The following SCAPER variants were observed in gnomAD, a reference collection of about 807,000 sequenced individuals.
SCAPER encodes the protein S phase cyclin A-associated protein in the endoplasmic reticulum.
A neutral mutation model predicts 182.2 loss-of-function variants in SCAPER; 98 were observed. The observed-to-expected ratio is 0.54, with a 90% CI of 0.46 to 0.64. The LOEUF is 0.64. Among genes scored for constraint, SCAPER ranks in the 30% least tolerant of loss-of-function variants. SCAPER has a pLI of 0.00. For synonymous variants in SCAPER, 605 were observed against 564.6 expected, an observed-to-expected ratio of 1.07 and a Z score of -1.01; for missense variants, 1,432 against 1,690.0, an observed-to-expected ratio of 0.85 and a Z score of 2.68.
rs866943418 is a variant in SCAPER, at chr15:76,665,845, T to C, written c.2509-56A>G. Reference sequence around the variant, plus strand: ...TGAGGATGATCATTTAAATATAATATAGGATTGCTATAGACTACAGTGAGT... The same window carrying C: ...TGAGGATGATCATTTAAATATAATACAGGATTGCTATAGACTACAGTGAGT... On this transcript the variant is annotated intron_variant, in intron 20 of 31. Coordinates refer to ENST00000563290, the MANE Select transcript of SCAPER (RefSeq NM_020843.4). The C allele has an allele frequency of 3.7e-5, 51 of 1,374,626 alleles. No individual in the cohort carries two copies. The South Asian group carries it at 4.2e-4, about 11-fold the overall frequency. 85.2% of individuals were successfully genotyped at this position (1,374,626 alleles called of 1,614,324 possible). A position where few individuals can be genotyped will look rare whatever the true frequency, so the allele number is the denominator to read the frequency against.
chr15:76,795,352 T>TAG lies in SCAPER; in HGVS notation c.698_699dup (p.Thr234LeufsTer7). 6.2e-7 allele frequency: 1 copy of TAG among 1,613,442 alleles called. No homozygotes were observed. The highest frequency in any genetic ancestry group is 8.5e-7 in the Non-Finnish European group (1 of 1,179,524). ...GCGGGTGTTATTTCTGAAGAAGCAG[T>TAG]AGAGCCTGTATGATGAGCCTTTACC... On this transcript the variant is annotated frameshift_variant, in exon 8 of 32. Transcript: ENST00000563290. LOFTEE classifies it high-confidence loss of function.
chr15:76,528,753 T>C (rs73446207), intron 23 of SCAPER, among the ~76,000 whole-genome samples: 2,739 of 152,284 alleles, frequency 0.018, 92 homozygotes, highest in African/African-American at 0.061. Flanking sequence ...ATGCAAACTT[T>C]ATCACTTCAT....
chr15:76,381,266 T>G, intron 28 of SCAPER, 112 bp downstream of exon 28: 1 of 706,160 alleles, frequency 1.4e-6, no homozygotes, highest in Non-Finnish European at 2.3e-6. Context: ...ATAATTCCAT[T>G]TATTGTAGTT....
chr15:76,741,361 T>C (rs543903566), intron 15 of SCAPER, among the ~76,000 whole-genome samples: 41 of 152,208 alleles, frequency 2.7e-4, no homozygotes, highest in Middle Eastern at 6.8e-3. Flanking sequence ...ATGGCCACTA[T>C]TTTAAATACA....
intron 21 of SCAPER, among the ~76,000 whole-genome samples, chr15:76,663,267 T>TC (rs2056333899): frequency 6.6e-6 from 1 of 152,154 alleles, no homozygotes; most frequent in Non-Finnish European, 1.5e-5. Context: ...ACTAAAATTT[T>TC]AAAAACTAGT....
intron 5 of SCAPER, among the ~76,000 whole-genome samples, chr15:76,817,604 G>A (rs1046172850): frequency 7.2e-5 from 11 of 152,102 alleles, no homozygotes; most frequent in African/African-American, 2.7e-4. Context: ...AACTATGTGA[G>A]GTGATAGGTT....
rs370341164 is a variant in SCAPER, at chr15:76,409,946, C to A, written c.3312-5267G>T. The stretch of plus-strand genomic sequence containing the variant: ...GAGACTACAGGTGCATGCCATCAGG[C>A]CTGGCTAATTTTTTTTTTTTTTTTT... On this transcript the variant is annotated intron_variant, in intron 26 of 31. Coordinates refer to ENST00000563290, the MANE Select transcript of SCAPER (RefSeq NM_020843.4). Among the ~76,000 whole-genome samples the A allele has an allele frequency of 1.5e-4, 23 of 151,368 alleles. 1 individual carries two copies. In the South Asian group the frequency reaches 4.6e-3, roughly 30 times the overall value.
rs1277819693 is a variant in SCAPER, at chr15:76,652,291, T to A, written c.2645+13362A>T. Among the ~76,000 whole-genome samples the A allele has an allele frequency of 1.0e-3, 27 of 26,258 alleles. 1 individual carries two copies. The highest frequency in any genetic ancestry group is 2.0e-3 in the South Asian group (1 of 490). The allele number at this position is 26,258 out of a possible 152,430, so 17.2% of individuals were successfully genotyped here. On this transcript the variant is annotated intron_variant, in intron 21 of 31. Coordinates refer to ENST00000563290, the MANE Select transcript of SCAPER (RefSeq NM_020843.4). Reference sequence around the variant, plus strand: ...AAAAAAAAATATATATATATATATATATATATATATATATATATACACACA... The same window carrying A: ...AAAAAAAAATATATATATATATATAAATATATATATATATATATACACACA...
intron 17 of SCAPER, among the ~76,000 whole-genome samples, chr15:76,717,972 A>G (rs762443073): frequency 3.3e-5 from 5 of 152,098 alleles, no homozygotes; most frequent in Non-Finnish European, 5.9e-5. Context: ...AAAGCAATAC[A>G]TTTTTTTCTA....
intron 21 of SCAPER, among the ~76,000 whole-genome samples, chr15:76,654,595 C>A (rs1448674957): frequency 6.6e-6 from 1 of 152,120 alleles, no homozygotes; most frequent in Non-Finnish European, 1.5e-5. Flanking sequence ...GGCTACCATT[C>A]GACCCAGCAA....
intron 29 of SCAPER, among the ~76,000 whole-genome samples, chr15:76,357,386 T>G (rs988463386): frequency 1.3e-5 from 2 of 152,166 alleles, no homozygotes; most frequent in Admixed American, 1.3e-4. Flanking sequence ...ATCAGATGAA[T>G]GCAAATTAAA....
intron 21 of SCAPER, among the ~76,000 whole-genome samples, chr15:76,632,642 TG>T (rs2053217575): frequency 6.6e-6 from 1 of 152,206 alleles, no homozygotes. Context: ...TCTGTGCCCT[TG>T]CTGGAGACGT....
intron 20 of SCAPER, among the ~76,000 whole-genome samples, chr15:76,695,106 T>C (rs2058582132): frequency 6.6e-6 from 1 of 152,130 alleles, no homozygotes; most frequent in Non-Finnish European, 1.5e-5. Context: ...TAAAACAAAG[T>C]CTTAATTTCA....
At chr15:76,546,684 C>T (rs2045318792) in intron 23 of SCAPER, among the ~76,000 whole-genome samples, 1 of 151,968 alleles carries the variant, frequency 6.6e-6, no homozygotes, top group Non-Finnish European at 1.5e-5. Context: ...TGCATTCTCT[C>T]TCTGCTAAGA....
intron 28 of SCAPER, chr15:76,380,503 C>A (rs1156640238): frequency 2.6e-5 from 4 of 152,082 alleles, no homozygotes; most frequent in Non-Finnish European, 4.4e-5. Context: ...TAGAAGTATT[C>A]TTCTCATCTC....
intron 5 of SCAPER, among the ~76,000 whole-genome samples, chr15:76,828,293 C>T (rs1056947087): frequency 2.0e-5 from 3 of 151,612 alleles, no homozygotes; most frequent in African/African-American, 7.3e-5. Context: ...AGAAAACAGA[C>T]TGAGACAACC....
chr15:76,854,930 C>T (rs1487843534), intron 4 of SCAPER, among the ~76,000 whole-genome samples: 1 of 151,704 alleles, frequency 6.6e-6, no homozygotes, highest in African/African-American at 2.4e-5. Context: ...CGAGATCACA[C>T]CACTGCACTC....
intron 1 of SCAPER, among the ~76,000 whole-genome samples, chr15:76,885,705 G>C (rs1371071652): frequency 6.6e-6 from 1 of 152,034 alleles, no homozygotes; most frequent in Non-Finnish European, 1.5e-5. Flanking sequence ...GGCTGGTCTC[G>C]AACTATTGGG....
intron 23 of SCAPER, among the ~76,000 whole-genome samples, chr15:76,552,057 A>G (rs997336419): frequency 2.0e-5 from 3 of 151,990 alleles, no homozygotes; most frequent in Admixed American, 6.6e-5. Context: ...AGGCTGAGGT[A>G]AGAAAATTGT....
Sources: gnomAD v4.1 joint callset for allele counts (sites outside exome capture counted in the v4.1 genomes callset) on GRCh38, gnomAD v4.1.1 for gene constraint, MANE v1.5 for transcripts, NCBI Gene and HGNC (gene_info 2026-07-23, HGNC 2026-07-21) for gene names.